HSD17B4: variants seen among roughly 807,000 people sequenced by gnomAD.
HSD17B4 encodes the protein hydroxysteroid 17-beta dehydrogenase 4.
Under a neutral mutation model 101.0 loss-of-function variants are expected in HSD17B4, and 70 were observed. The observed-to-expected ratio is 0.69, with a 90% confidence interval of 0.57 to 0.85. The LOEUF is 0.85. HSD17B4 is among the 40% of genes least tolerant of loss of function. HSD17B4 has a pLI of 0.00. For missense variants in HSD17B4, 984 were observed against 892.4 expected (o/e 1.10, Z -1.31); for synonymous variants, 347 against 297.1 (o/e 1.17, Z -1.73).
chr5:119,517,279 C>T (rs1339308333), intron 17 of HSD17B4, among the ~76,000 whole-genome samples: 2 of 152,186 alleles, frequency 1.3e-5, no homozygotes, highest in Non-Finnish European at 2.9e-5. Flanking sequence ...TACTGGGTCC[C>T]GCAGCAGTGC....
chr5:119,533,644 G>C (rs1243900944), intron 22 of HSD17B4, among the ~76,000 whole-genome samples: 1 of 152,072 alleles, frequency 6.6e-6, no homozygotes, highest in African/African-American at 2.4e-5. Flanking sequence ...TACCAACACT[G>C]TAGCCAACCA....
rs146555135 is a variant in HSD17B4 at position 119,493,874 on chromosome 5, C to G, written c.796C>G (p.Pro266Ala). 1 of 1,612,786 alleles carries G rather than the reference C, an allele frequency of 6.2e-7. No individual in the cohort carries two copies. The highest frequency in any genetic ancestry group is 1.1e-5 in the South Asian group (1 of 91,064). Residue 266 changes from proline to alanine, a missense_variant, in exon 11 of 24, where the codon CCT becomes GCT. Transcript: ENST00000510025. ...AAGACAAAAGAATCACCCAATGACT[C>G]CTGAGGCAGTCAAGGCTAACTGGAA... ...IVRQKNHPMT[P>A]EAVKANWKKI...
chr5:119,459,523 G>T (rs945742265), intron 2 of HSD17B4, among the ~76,000 whole-genome samples: 1 of 152,122 alleles, frequency 6.6e-6, no homozygotes, highest in African/African-American at 2.4e-5. Flanking sequence ...TCTGTTTTCT[G>T]TTGCTTATAA....
chr5:119,455,564 CTCTCTA>C (rs1197121633), intron 1 of HSD17B4, among the ~76,000 whole-genome samples: 6 of 126,272 alleles, frequency 4.8e-5, no homozygotes, highest in East Asian at 2.3e-4. Context: ...CTCTCTCTCT[CTCTCTA>C]TATATATATA....
intron 16 of HSD17B4, among the ~76,000 whole-genome samples, chr5:119,512,631 A>G (rs1027708172): frequency 6.6e-6 from 1 of 152,208 alleles, no homozygotes; most frequent in Admixed American, 6.5e-5. Context: ...TCTAAAATAA[A>G]TATAAAATAA....
At chr5:119,525,726 C>CTTTT in intron 18 of HSD17B4, 191 bp from the exon 19 acceptor site, 9 of 347,684 alleles carry the variant, frequency 2.6e-5, no homozygotes, top group South Asian at 4.5e-5. Flanking sequence ...TTTTTTTTTT[C>CTTTT]TTTCTTTCTT....
intron 2 of HSD17B4, among the ~76,000 whole-genome samples, chr5:119,458,232 G>T (rs1018837168): frequency 6.6e-6 from 1 of 152,128 alleles, no homozygotes; most frequent in African/African-American, 2.4e-5. Context: ...ATGTGGAAGT[G>T]CAGAAATTTT....
At chr5:119,459,741 A>G (rs1264029268) in intron 2 of HSD17B4, among the ~76,000 whole-genome samples, 1 of 152,074 alleles carries the variant, frequency 6.6e-6, no homozygotes, top group African/African-American at 2.4e-5. Context: ...TCTTCTTATA[A>G]AGCCACTAGT....
intron 23 of HSD17B4, among the ~76,000 whole-genome samples, chr5:119,538,014 G>C (rs1016537063): frequency 6.6e-6 from 1 of 152,108 alleles, no homozygotes; most frequent in African/African-American, 2.4e-5. Context: ...AAGGCCTGCC[G>C]TGCGAGGAAC....
intron 1 of HSD17B4, among the ~76,000 whole-genome samples, chr5:119,454,254 C>T (rs1754367693): frequency 6.6e-6 from 1 of 152,130 alleles, no homozygotes; most frequent in Admixed American, 6.5e-5. Context: ...GAACTTAGCA[C>T]CTGCTGTTCA....
At chr5:119,516,195 T>G (rs1752599717) in intron 17 of HSD17B4, among the ~76,000 whole-genome samples, 2 of 152,166 alleles carry the variant, frequency 1.3e-5, no homozygotes, top group South Asian at 4.1e-4. Context: ...TTTAAATATT[T>G]TTTCCATCCA....
chr5:119,454,999 A>C (rs1390740197), intron 1 of HSD17B4, among the ~76,000 whole-genome samples: 1 of 152,248 alleles, frequency 6.6e-6, no homozygotes, highest in Non-Finnish European at 1.5e-5. Context: ...AATTTATACT[A>C]AATATAAATT....
intron 14 of HSD17B4, among the ~76,000 whole-genome samples, chr5:119,504,373 G>A (rs1751462271): frequency 6.6e-6 from 1 of 152,156 alleles, no homozygotes; most frequent in African/African-American, 2.4e-5. Context: ...TTTCATGGTA[G>A]CTGTACTAAT....
chr5:119,473,302 T>A (rs1445084798), intron 2 of HSD17B4, among the ~76,000 whole-genome samples: 7 of 134,788 alleles, frequency 5.2e-5, no homozygotes, highest in Admixed American at 4.4e-4. Context: ...TTTTTACTTT[T>A]CTTCCCTGCT....
At position 119,538,832 on chromosome 5, in the gene HSD17B4, T is replaced by A. The variant is rs545213790; in HGVS notation, c.2121+2282T>A. Among the ~76,000 whole-genome samples the A allele has an allele frequency of 3.3e-4, 50 of 152,310 alleles. 1 individual carries two copies. The South Asian group carries it at 8.1e-3, about 25-fold the overall frequency. ...GTAGTTTCTTCCTGTTATATTCTGA[T>A]AACATCCTGTTTTCTCCTTCATTGT... is the stretch of plus-strand genomic sequence containing the variant. On this transcript the variant is annotated intron_variant, in intron 23 of 23. Coordinates refer to ENST00000510025, the MANE Select transcript of HSD17B4 (RefSeq NM_000414.4).
At chr5:119,472,514 A>C (rs1434584521) in intron 2 of HSD17B4, 2 of 151,962 alleles carry the variant, frequency 1.3e-5, no homozygotes, top group Non-Finnish European at 2.9e-5. Flanking sequence ...GTTCACTGCA[A>C]CCTTTGCCTT....
intron 10 of HSD17B4, 69 bp downstream of exon 10, chr5:119,492,193 G>T (rs1750172700): frequency 8.5e-7 from 1 of 1,173,728 alleles, no homozygotes; most frequent in Non-Finnish European, 1.3e-6. Context: ...ATCCAGTTGA[G>T]ATGGGTAAGA....
intron 14 of HSD17B4, among the ~76,000 whole-genome samples, chr5:119,506,259 G>C (rs112647674): frequency 2.0e-5 from 3 of 152,014 alleles, no homozygotes; most frequent in Non-Finnish European, 4.4e-5. Context: ...GAGTGAGAAC[G>C]TGCGTTGTTT....
intron 14 of HSD17B4, among the ~76,000 whole-genome samples, chr5:119,503,368 T>A (rs74719240): frequency 0.057 from 8,630 of 151,298 alleles, 339 homozygotes; most frequent in Non-Finnish European, 0.081. Flanking sequence ...AACTTTTTCA[T>A]TTTTTTTTAC....
Sources: gnomAD v4.1 joint callset for allele counts (sites outside exome capture counted in the v4.1 genomes callset) on GRCh38, gnomAD v4.1.1 for gene constraint, MANE v1.5 for transcripts, NCBI Gene and HGNC (gene_info 2026-07-23, HGNC 2026-07-21) for gene names.